The following INPPL1 variants were observed in gnomAD, a reference collection of about 807,000 sequenced individuals.
INPPL1 encodes the protein phosphatidylinositol 3,4,5-trisphosphate 5-phosphatase 2.
In INPPL1, 91 loss-of-function variants were observed where a neutral mutation model predicts 139.3. The ratio of observed to expected loss-of-function variants is 0.65; its 90% confidence interval spans 0.55 to 0.78. INPPL1 has a LOEUF of 0.78. Among genes scored for constraint, INPPL1 ranks in the 30% least tolerant of loss-of-function variants. The pLI, the probability that INPPL1 is intolerant of heterozygous loss-of-function variation, is 0.00. For synonymous variants in INPPL1, 719 were observed against 686.6 expected, an observed-to-expected ratio of 1.05 and a Z score of -0.74; for missense variants, 1,411 against 1,665.6, an observed-to-expected ratio of 0.85 and a Z score of 2.66.
Position 72,228,719 on chromosome 11 carries a change from G to A in INPPL1, c.398-8G>A. 1 of 1,608,018 alleles carries A rather than the reference G, an allele frequency of 6.2e-7. No homozygotes were observed. Among genetic ancestry groups the A allele is most frequent in the Non-Finnish European group, 8.5e-7 (1 of 1,176,824 alleles). On this transcript the variant is annotated splice_polypyrimidine_tract_variant and splice_region_variant and intron_variant, in intron 3 of 27. Transcript: ENST00000298229. This position sits in a 1 kb window ranked among gnomAD's most constrained non-coding sequence, Gnocchi z 5.0. Reference sequence around the variant, plus strand: ...CCCAAACGGCTGCCCACTGACCCCTGCCCACAGATGGGGAGGATGAGAAGC... The same window carrying A: ...CCCAAACGGCTGCCCACTGACCCCTACCCACAGATGGGGAGGATGAGAAGC...
rs1200055838 is a variant in INPPL1, at chr11:72,228,288, C to G, written c.246+35C>G. Reference sequence around the variant, plus strand: ...TGGGCCCCTGACCCCTGACCTTGATCCAGCCTAGGGCTTGGGGACCTGCTG... The same window carrying G: ...TGGGCCCCTGACCCCTGACCTTGATGCAGCCTAGGGCTTGGGGACCTGCTG... On this transcript the variant is annotated intron_variant, in intron 2 of 27. Transcript: ENST00000298229. This position sits in a 1 kb window ranked among gnomAD's most constrained non-coding sequence, Gnocchi z 5.0. The G allele has an allele frequency of 3.1e-6, 5 of 1,614,076 alleles. No individual in the cohort carries two copies. In the Admixed American group the frequency reaches 5.0e-5, roughly 16 times the overall value.
chr11:72,233,211 T>A (rs1190716122), intron 17 of INPPL1, 48 bp downstream of exon 17: 1 of 1,544,812 alleles, frequency 6.5e-7, no homozygotes, highest in Non-Finnish European at 8.9e-7. Flanking sequence ...AGGCCTGCGA[T>A]GAATCAAGAA....
Position 72,237,309 on chromosome 11 carries a change from C to A in INPPL1, c.3065C>A (p.Pro1022His). 1 of 1,614,048 alleles carries A rather than the reference C, an allele frequency of 6.2e-7. No homozygotes were observed. Among genetic ancestry groups the A allele is most frequent in the Non-Finnish European group, 8.5e-7 (1 of 1,180,028 alleles). Reference sequence around the variant, plus strand: ...AAGAACAAAGTGGCCATTACAGTGCCTGCTCCACAGCTTGGGCACCACCGG... The same window carrying A: ...AAGAACAAAGTGGCCATTACAGTGCATGCTCCACAGCTTGGGCACCACCGG... ...ATKNKVAITV[P>H]APQLGHHRHP... The change falls in exon 26 of 28, where the codon CCT becomes CAT. Residue 1022 changes from proline to histidine, a missense_variant. Physicochemically the swap from Pro to His is moderately conservative, Grantham distance 77. Around this residue, in one of 5 missense-constraint regions of INPPL1, gnomAD observed 438 missense variants for 425.7 expected, o/e 1.03. Coordinates refer to ENST00000298229, the MANE Select transcript of INPPL1 (RefSeq NM_001567.4).
chr11:72,233,269 G>A, intron 17 of INPPL1, 106 bp downstream of exon 17: 1 of 1,134,788 alleles, frequency 8.8e-7, no homozygotes, highest in Non-Finnish European at 1.3e-6. Flanking sequence ...CAGCCTCCAT[G>A]GCCCCTCTGA....
intron 25 of INPPL1, among the ~76,000 whole-genome samples, chr11:72,236,692 G>C (rs779865015): frequency 2.0e-4 from 30 of 152,046 alleles, no homozygotes; most frequent in Non-Finnish European, 3.5e-4. Context: ...GCTGTTGTCA[G>C]TCACCCCGGT....
At chr11:72,229,299 G>T in intron 5 of INPPL1, 69 bp downstream of exon 5, 1 of 1,498,280 alleles carries the variant, frequency 6.7e-7, no homozygotes, top group Non-Finnish European at 9.1e-7. Flanking sequence ...CTTCCCGGCT[G>T]CACAGGTGCC....
chr11:72,238,266 C>T lies in INPPL1; in HGVS notation c.3690C>T (p.Asp1230=). The T allele has an allele frequency of 6.2e-7, 1 of 1,613,326 alleles. No individual in the cohort carries two copies. Among genetic ancestry groups the T allele is most frequent in the South Asian group, 1.1e-5 (1 of 91,030 alleles). The change falls in exon 28 of 28, where the codon GAC becomes GAT. Residue 1230 remains aspartate (D), a synonymous_variant. Transcript: ENST00000298229. ...CCCAGCCTGTTTTACTCCACAGTGA[C>T]ATCACCGAGGAGGACTTGGAGGAGG... The part of the protein sequence containing the change: ...NGWDDLEFLS[D]ITEEDLEEAG...
chr11:72,235,983 C>A lies in INPPL1; in HGVS notation c.2876C>A (p.Pro959His), dbSNP rs762132983. 8.2e-6 allele frequency: 13 copies of A among 1,582,112 alleles called. No individual in the cohort carries two copies. Among genetic ancestry groups the A allele is most frequent in the Non-Finnish European group, 1.7e-6 (2 of 1,163,418 alleles). Residue 959 changes from proline to histidine, a missense_variant, in exon 25 of 28, where the codon CCC becomes CAC. Coordinates refer to ENST00000298229, the MANE Select transcript of INPPL1 (RefSeq NM_001567.4). The surrounding 1 kb of genome is among the most constrained non-coding windows in gnomAD (Gnocchi z 4.9). ...RAAPREEPLT[P>H]RLKPEGAPEP... The stretch of plus-strand genomic sequence containing the variant: ...GCTCCCCGGGAGGAGCCCTTGACCC[C>A]CAGGTGAGAGGAGGAACCTGTCACC...
At position 72,237,163 on chromosome 11, in the gene INPPL1, G is replaced by C. The variant is rs542892085; in HGVS notation, c.2919G>C (p.Ala973=). ...GAGCTCCTGAACCAGAAGGGGTGGC[G>C]GCCCCCCCACCCAAGAACAGCTTCA... The part of the protein sequence containing the change: ...PEGAPEPEGV[A]APPPKNSFNN... The change falls in exon 26 of 28, where the codon GCG becomes GCC. Residue 973 remains alanine, a synonymous_variant. Coordinates refer to ENST00000298229, the MANE Select transcript of INPPL1 (RefSeq NM_001567.4). 1 of 1,600,964 alleles carries C rather than the reference G, an allele frequency of 6.2e-7. No individual in the cohort carries two copies. Among genetic ancestry groups the C allele is most frequent in the East Asian group, 2.2e-5 (1 of 44,542 alleles).
chr11:72,224,569 C>A (rs1565380765), upstream of INPPL1, among the ~76,000 whole-genome samples: 1 of 148,128 alleles, frequency 6.8e-6, no homozygotes, highest in Non-Finnish European at 1.5e-5. Context: ...ACTGGATCTC[C>A]TCGGGTGAAT....
intron 1 of INPPL1, 108 bp downstream of exon 1, chr11:72,225,274 C>G (rs1042843261): frequency 6.6e-6 from 8 of 1,220,238 alleles, no homozygotes; most frequent in African/African-American, 4.7e-5. Context: ...GGACGCCAGA[C>G]CCGCCTCCAC....
chr11:72,231,300 G>T, intron 12 of INPPL1, 111 bp downstream of exon 12: 2 of 1,115,970 alleles, frequency 1.8e-6, no homozygotes, highest in Non-Finnish European at 2.6e-6. Context: ...CTTTTTCTCT[G>T]GTCCCTGAGC....
At chr11:72,232,426 C>A in intron 14 of INPPL1, 90 bp downstream of exon 14, 2 of 1,297,198 alleles carry the variant, frequency 1.5e-6, no homozygotes, top group Non-Finnish European at 2.2e-6. Flanking sequence ...CATGACCCTC[C>A]CGCAGGCCTG....
At chr11:72,231,349 C>T (rs572807404) in intron 12 of INPPL1, 149 bp from the exon 13 acceptor site, 38 of 919,478 alleles carry the variant, frequency 4.1e-5, no homozygotes, top group Non-Finnish European at 5.8e-5. Flanking sequence ...CTTCATGCCA[C>T]GAGAGGAACC....
At position 72,237,550 on chromosome 11, in the gene INPPL1, C is replaced by T; in HGVS notation, c.3306C>T (p.Gly1102=). The change falls in exon 26 of 28, where the codon GGC becomes GGT. Residue 1102 remains glycine, a synonymous_variant. Transcript: ENST00000298229. ...ATCCAAGGCCTCCACTGCCCCCAGG[C>T]CCCTCACCAGCCAGCACTTTCCTGG... ...KAHPRPPLPP[G]PSPASTFLGE... 2.5e-6 allele frequency: 4 copies of T among 1,600,808 alleles called. No individual in the cohort carries two copies. Among genetic ancestry groups the T allele is most frequent in the Non-Finnish European group, 3.4e-6 (4 of 1,171,508 alleles).
At chr11:72,227,263 C>T (rs1048928605) in intron 1 of INPPL1, among the ~76,000 whole-genome samples, 2 of 152,090 alleles carry the variant, frequency 1.3e-5, no homozygotes, top group Admixed American at 6.5e-5. Flanking sequence ...ATTCTTTGAG[C>T]CTGTTTCCTC....
At position 72,232,070 on chromosome 11, in the gene INPPL1, AC is replaced by A. The variant is rs561364107; in HGVS notation, c.1616-162del. On this transcript the variant is annotated intron_variant, in intron 13 of 27. Coordinates refer to ENST00000298229, the MANE Select transcript of INPPL1 (RefSeq NM_001567.4). ...CACAGACCATGTGTGCCCAATGAGGACCCCCCCCTCCCCCAGGGAAGGTGTG... is the reference window on the plus strand; with the variant it reads ...CACAGACCATGTGTGCCCAATGAGGACCCCCCCTCCCCCAGGGAAGGTGTG... 3.5e-3 allele frequency among the ~76,000 whole-genome samples: 509 copies of A among 147,138 alleles called. 4 individuals carry two copies. The highest frequency in any genetic ancestry group is 0.011 in the African/African-American group (450 of 39,696).
intron 25 of INPPL1, among the ~76,000 whole-genome samples, chr11:72,236,767 G>A (rs1226160206): frequency 1.3e-5 from 2 of 152,222 alleles, no homozygotes; most frequent in African/African-American, 4.8e-5. Flanking sequence ...CGGATTGACT[G>A]TGGGTGCCTC....
rs1182627936 is a variant in INPPL1, at chr11:72,228,470, G to A, written c.369G>A (p.Pro123=). The A allele has an allele frequency of 8.7e-6, 14 of 1,609,142 alleles. No individual in the cohort carries two copies. The African/African-American group carries it at 9.4e-5, about 11-fold the overall frequency. Residue 123 remains proline, a synonymous_variant, in exon 3 of 28, where the codon CCG becomes CCA. Transcript: ENST00000298229. This position sits in a 1 kb window ranked among gnomAD's most constrained non-coding sequence, Gnocchi z 5.0. ...LLLPVEGERE[P]DPPDDRDASD... The stretch of plus-strand genomic sequence containing the variant: ...TTCCTGTAGAGGGTGAGCGAGAGCC[G>A]GACCCACCGGATGACCGGGATGCCT...
Sources: gnomAD v4.1 joint callset for allele counts (sites outside exome capture counted in the v4.1 genomes callset) on GRCh38, gnomAD v4.1.1 for gene constraint, gnomAD v4.1.1 regional missense constraint, Gnocchi (gnomAD v3.1) non-coding constraint, MANE v1.5 for transcripts, NCBI Gene and HGNC (gene_info 2026-07-23, HGNC 2026-07-21) for gene names.